Variants in CABIN1 observed in about 807,000 individuals in gnomAD.
CABIN1 encodes calcineurin-binding protein cabin-1.
A neutral mutation model predicts 227.7 loss-of-function variants in CABIN1; 133 were observed. The observed-to-expected ratio is 0.58, with a 90% CI of 0.51 to 0.67. The LOEUF (loss-of-function observed/expected upper bound fraction) is 0.67. CABIN1 is among the 30% of genes least tolerant of loss of function. The pLI, the probability that CABIN1 is intolerant of heterozygous loss-of-function variation, is 0.00. For synonymous variants in CABIN1, 1,086 were observed against 1,155.1 expected (o/e 0.94, Z 1.21); for missense variants, 2,408 against 2,852.5 (o/e 0.84, Z 3.55).
intron 4 of CABIN1, among the ~76,000 whole-genome samples, 189 bp from the exon 5 acceptor site, chr22:24,040,950 C>G (rs2037319951): frequency 6.6e-6 from 1 of 152,176 alleles, no homozygotes; most frequent in Non-Finnish European, 1.5e-5. Flanking sequence ...GTCTGTTCTT[C>G]TCTGTGCGCT....
intron 29 of CABIN1, among the ~76,000 whole-genome samples, chr22:24,153,725 G>A (rs1318010407): frequency 6.6e-6 from 1 of 152,172 alleles, no homozygotes; most frequent in Non-Finnish European, 1.5e-5. Flanking sequence ...AGGACATCGT[G>A]TGGTGCTGGG....
At chr22:24,019,733 C>T (rs1441221368) in intron 1 of CABIN1, among the ~76,000 whole-genome samples, 4 of 148,040 alleles carry the variant, frequency 2.7e-5, no homozygotes, top group African/African-American at 1.0e-4. Flanking sequence ...TCTTAGCTCA[C>T]CACAACCTCT....
At position 24,055,036 on chromosome 22, in the gene CABIN1, C is replaced by G; in HGVS notation, c.970C>G (p.Pro324Ala). The change falls in exon 9 of 37, where the codon CCA (proline) becomes GCA (alanine). Residue 324 changes from proline (P) to alanine (A), a missense_variant. By Grantham distance (27) the Pro-to-Ala change is conservative. Transcript: ENST00000263119. Reference protein sequence around the residue: ...MVVTPVNVIQPSTVSTNPAVA... With the variant: ...MVVTPVNVIQASTVSTNPAVA... Reference sequence around the variant, plus strand: ...GGTGACGCCAGTTAACGTGATCCAGCCAAGCACTGTCAGCACCAACCCAGC... The same window carrying G: ...GGTGACGCCAGTTAACGTGATCCAGGCAAGCACTGTCAGCACCAACCCAGC... The G allele has an allele frequency of 6.2e-7, 1 of 1,614,250 alleles. No individual in the cohort carries two copies. Among genetic ancestry groups the G allele is most frequent in the Middle Eastern group, 1.6e-4 (1 of 6,062 alleles).
At chr22:24,016,738 G>A (rs2035315549) in intron 1 of CABIN1, among the ~76,000 whole-genome samples, 1 of 152,208 alleles carries the variant, frequency 6.6e-6, no homozygotes, top group Admixed American at 6.5e-5. Flanking sequence ...CTCCAGAAGG[G>A]TTGTACCAAT....
At chr22:24,146,055 G>A (rs982727130) in intron 29 of CABIN1, among the ~76,000 whole-genome samples, 1 of 152,202 alleles carries the variant, frequency 6.6e-6, no homozygotes, top group African/African-American at 2.4e-5. Context: ...ATTAACTGAG[G>A]TATGCAGCAG....
At chr22:24,109,744 C>T (rs866149144) in intron 26 of CABIN1, among the ~76,000 whole-genome samples, 1 of 152,100 alleles carries the variant, frequency 6.6e-6, no homozygotes, top group Admixed American at 6.5e-5. Context: ...TTTTTAGGTG[C>T]GAAAGGGACT....
chr22:24,164,888 C>A (rs1401502570), intron 30 of CABIN1, among the ~76,000 whole-genome samples: 1 of 152,144 alleles, frequency 6.6e-6, no homozygotes. Flanking sequence ...GTAGGGAAAA[C>A]AGATGTTCAG....
intron 1 of CABIN1, among the ~76,000 whole-genome samples, chr22:24,025,930 C>T (rs1275763873): frequency 6.6e-6 from 1 of 151,974 alleles, no homozygotes; most frequent in Middle Eastern, 3.2e-3. Flanking sequence ...ACCTCCTGGA[C>T]TCAAGTGAGC....
rs1402443461 is a variant in CABIN1, at chr22:24,054,898, C to T, written c.832C>T (p.Leu278=). The change falls in exon 9 of 37, where the codon CTG becomes TTG. Residue 278 remains leucine, a synonymous_variant. Coordinates refer to ENST00000263119, the MANE Select transcript of CABIN1 (RefSeq NM_012295.4). The part of the protein sequence containing the change: ...FTWKCLGESL[L]AMYNHLTTCE... Reference sequence around the variant, plus strand: ...CTGGAAGTGCCTCGGAGAGAGCTTGCTGGCCATGTACAATCATCTCACCAC... The same window carrying T: ...CTGGAAGTGCCTCGGAGAGAGCTTGTTGGCCATGTACAATCATCTCACCAC... The T allele has an allele frequency of 1.9e-6, 3 of 1,614,200 alleles. No individual in the cohort carries two copies. Among genetic ancestry groups the T allele is most frequent in the East Asian group, 4.5e-5 (2 of 44,876 alleles).
chr22:24,075,840 G>A (rs117580218), intron 18 of CABIN1, among the ~76,000 whole-genome samples: 2,862 of 152,124 alleles, frequency 0.019, 41 homozygotes, highest in Non-Finnish European at 0.031. Flanking sequence ...AAATGCATCA[G>A]ATATGCACAG....
At chr22:24,017,737 A>G (rs1466810668) in intron 1 of CABIN1, among the ~76,000 whole-genome samples, 1 of 150,898 alleles carries the variant, frequency 6.6e-6, no homozygotes, top group African/African-American at 2.4e-5. Context: ...GTATGTATAT[A>G]CTACATTTTG....
At chr22:24,082,223 G>A (rs971566138) in intron 19 of CABIN1, among the ~76,000 whole-genome samples, 4 of 151,664 alleles carry the variant, frequency 2.6e-5, no homozygotes, top group African/African-American at 9.7e-5. Context: ...CCACGTAGCT[G>A]GGACTACAGG....
At chr22:24,078,840 C>G (rs1052737962) in intron 19 of CABIN1, among the ~76,000 whole-genome samples, 1 of 151,028 alleles carries the variant, frequency 6.6e-6, no homozygotes, top group Non-Finnish European at 1.5e-5. Flanking sequence ...ACCTCCCTCA[C>G]TCTCTTGAAG....
intron 23 of CABIN1, 101 bp downstream of exon 23, chr22:24,087,814 A>T: frequency 6.9e-7 from 1 of 1,457,578 alleles, no homozygotes; most frequent in South Asian, 1.2e-5. Context: ...ATTCTTGTCC[A>T]CACATCCATG....
chr22:24,024,691 T>A (rs758705932), intron 1 of CABIN1, among the ~76,000 whole-genome samples: 30 of 152,204 alleles, frequency 2.0e-4, no homozygotes, highest in Non-Finnish European at 3.2e-4. Flanking sequence ...TGTCCGTATG[T>A]CTCTATTCAT....
intron 34 of CABIN1, chr22:24,175,726 C>T (rs747219865): frequency 5.3e-5 from 18 of 337,386 alleles, no homozygotes; most frequent in African/African-American, 8.5e-5. Context: ...TGGTCCTGAC[C>T]TCGTTTCTGA....
rs1208286891 is a variant in CABIN1 at position 24,067,139 on chromosome 22, G to T, written c.2190G>T (p.Met730Ile). The T allele has an allele frequency of 1.2e-6, 2 of 1,614,236 alleles. No individual in the cohort carries two copies. The highest frequency in any genetic ancestry group is 3.3e-5 in the Admixed American group (2 of 60,026). The change falls in exon 16 of 37, where the codon ATG (methionine) becomes ATT (isoleucine). Residue 730 changes from methionine to isoleucine, a missense_variant. Coordinates refer to ENST00000263119, the MANE Select transcript of CABIN1 (RefSeq NM_012295.4). ...ACCGGGCCAAACACCTGGAGTTTAT[G>T]ACTTCCATTCCTGAGAGGCCAGCCC... The part of the protein sequence containing the change: ...GFDRAKHLEF[M>I]TSIPERPAQL...
chr22:24,051,874 C>T (rs1366858727), intron 8 of CABIN1, among the ~76,000 whole-genome samples: 5 of 152,088 alleles, frequency 3.3e-5, no homozygotes, highest in African/African-American at 7.2e-5. Context: ...GGCTCTGATC[C>T]GTATTATTAT....
intron 27 of CABIN1, among the ~76,000 whole-genome samples, chr22:24,117,370 T>A (rs176158): frequency 0.093 from 14,223 of 152,176 alleles, 808 homozygotes; most frequent in African/African-American, 0.16. Context: ...CCTAATTTTT[T>A]AATTTTTTTG....
Sources: gnomAD v4.1 joint callset for allele counts (sites outside exome capture counted in the v4.1 genomes callset) on GRCh38, gnomAD v4.1.1 for gene constraint, MANE v1.5 for transcripts, NCBI Gene and HGNC (gene_info 2026-07-23, HGNC 2026-07-21) for gene names.